KMT2D: variants seen among roughly 807,000 people sequenced by gnomAD.
KMT2D encodes the protein lysine methyltransferase 2D.
A neutral mutation model predicts 512.7 loss-of-function variants in KMT2D; 55 were observed. The observed-to-expected ratio is 0.11, with a 90% confidence interval of 0.09 to 0.13. KMT2D has a LOEUF of 0.13. Ranked by LOEUF, KMT2D falls within the 10% of genes least tolerant of loss-of-function variation. KMT2D has a pLI of 1.00. For synonymous variants in KMT2D, 2,995 were observed against 2,904.0 expected, an observed-to-expected ratio of 1.03 and a Z score of -1.01; for missense variants, 6,061 against 7,127.9, an observed-to-expected ratio of 0.85 and a Z score of 5.39.
chr12:49,051,041 G>T lies in KMT2D; in HGVS notation c.2642C>A (p.Pro881His), dbSNP rs181984448. Residue 881 changes from proline (P) to histidine (H), a missense_variant, in exon 11 of 55, where the codon CCC (proline) becomes CAC (histidine). Around this residue, in one of 16 missense-constraint regions of KMT2D, gnomAD observed 848 missense variants for 838.5 expected, o/e 1.01. Transcript: ENST00000301067. ...PGQCPAPEELPLFPPPGEPSL... is the reference protein window; with the variant it reads ...PGQCPAPEELHLFPPPGEPSL... ...TGGTTCCCCAGGGGGAGGGAACAAG[G>T]GCAGCTCCTCAGGTGCAGGGCATTG... 1 of 1,548,462 alleles carries T rather than the reference G, an allele frequency of 6.5e-7. No homozygotes were observed. Among genetic ancestry groups the T allele is most frequent in the Non-Finnish European group, 8.7e-7 (1 of 1,150,442 alleles).
rs371296793 is a variant in KMT2D at position 49,050,496 on chromosome 12, G to C, written c.3092C>G (p.Ser1031Cys). 3.7e-6 allele frequency: 6 copies of C among 1,613,118 alleles called. No individual in the cohort carries two copies. In the African/African-American group the frequency reaches 8.0e-5, roughly 21 times the overall value. Residue 1031 changes from serine (S) to cysteine (C), a missense_variant, in exon 12 of 55, where the codon TCC becomes TGC. Ser to Cys is a moderately radical substitution (Grantham distance 112, BLOSUM62 -1). This residue lies in a region of KMT2D where 447 missense variants were observed against 500.1 expected (regional missense o/e 0.89). Transcript: ENST00000301067. ...AGGAGGGGAGTTTTGGGGAACCAGG[G>C]AATGCTGAAGGAGTGGCGAACACTG... ...PPQCSPLLQH[S>C]LVPQNSPPSQ...
At position 49,046,519 on chromosome 12, in the gene KMT2D, CTAAACCCAGCCTCTGTCACA is replaced by C; in HGVS notation, c.4418+70_4418+89del. ...AAACCCAAGCCACCAGCCTGGCCTC[CTAAACCCAGCCTCTGTCACA>C]TACTCAACATCATATCCACTTTAAC... On this transcript the variant is annotated intron_variant, in intron 16 of 54. Coordinates refer to ENST00000301067, the MANE Select transcript of KMT2D (RefSeq NM_003482.4). This position sits in a 1 kb window ranked among gnomAD's most constrained non-coding sequence, Gnocchi z 4.2. 6.3e-7 allele frequency: 1 copy of C among 1,578,580 alleles called. No homozygotes were observed.
chr12:49,044,199 C>A lies in KMT2D; in HGVS notation c.5188+1G>T, dbSNP rs2120579552. The A allele has an allele frequency of 6.2e-7, 1 of 1,611,150 alleles. No individual in the cohort carries two copies. The highest frequency in any genetic ancestry group is 8.5e-7 in the Non-Finnish European group (1 of 1,179,524). ...CCCACTGGTGCCCTCACCCGTCTCACCCTCGTCGGGCTGCCCATCCCCACT... is the reference window on the plus strand; with the variant it reads ...CCCACTGGTGCCCTCACCCGTCTCAACCTCGTCGGGCTGCCCATCCCCACT... On this transcript the variant is annotated splice_donor_variant, in intron 22 of 54. Coordinates refer to ENST00000301067, the MANE Select transcript of KMT2D (RefSeq NM_003482.4). LOFTEE classifies it high-confidence loss of function. This position sits in a 1 kb window ranked among gnomAD's most constrained non-coding sequence, Gnocchi z 6.4.
rs763880999 is a variant in KMT2D, at chr12:49,039,431, C to T, written c.8229+4G>A. The T allele has an allele frequency of 1.6e-5, 25 of 1,599,540 alleles. No individual in the cohort carries two copies. Among genetic ancestry groups the T allele is most frequent in the Admixed American group, 8.5e-5 (5 of 58,650 alleles). On this transcript the variant is annotated splice_donor_region_variant and intron_variant, in intron 33 of 54. Coordinates refer to ENST00000301067, the MANE Select transcript of KMT2D (RefSeq NM_003482.4). The surrounding 1 kb of genome is among the most constrained non-coding windows in gnomAD (Gnocchi z 5.0). ...GCCCCACTATCCCTTGCCACTCTACCTACCTGTGTCCCAGCAAAGGGGGTC... is the reference window on the plus strand; with the variant it reads ...GCCCCACTATCCCTTGCCACTCTACTTACCTGTGTCCCAGCAAAGGGGGTC...
rs2120500259 is a variant in KMT2D at position 49,038,569 on chromosome 12, A to T, written c.8787T>A (p.Leu2929=). Reference sequence around the variant, plus strand: ...GTGGGGCTGAGGGTTTCTGTGGGGGAAGACCTGATACCGCCAGGCCCCGAA... The same window carrying T: ...GTGGGGCTGAGGGTTTCTGTGGGGGTAGACCTGATACCGCCAGGCCCCGAA... The part of the protein sequence containing the change: ...EGLRGLAVSG[L]PPQKPSAPPA... The change falls in exon 35 of 55, where the codon CTT becomes CTA. Residue 2929 remains leucine (L), a synonymous_variant. Transcript: ENST00000301067. The surrounding 1 kb of genome is among the most constrained non-coding windows in gnomAD (Gnocchi z 5.7). 6.2e-7 allele frequency: 1 copy of T among 1,612,248 alleles called. No homozygotes were observed. Among genetic ancestry groups the T allele is most frequent in the Non-Finnish European group, 8.5e-7 (1 of 1,179,006 alleles).
At chr12:49,025,614 T>C (rs1942538766) in intron 49 of KMT2D, among the ~76,000 whole-genome samples, 1 of 152,240 alleles carries the variant, frequency 6.6e-6, no homozygotes, top group African/African-American at 2.4e-5. Context: ...ATCCCTGTCA[T>C]TTAGCAATGC....
chr12:49,047,585 T>C (rs1937635842), intron 15 of KMT2D, among the ~76,000 whole-genome samples: 1 of 79,908 alleles, frequency 1.3e-5, no homozygotes, highest in Non-Finnish European at 2.3e-5. Flanking sequence ...ACTCAGCTAA[T>C]TTTTGTTATT....
intron 35 of KMT2D, among the ~76,000 whole-genome samples, 156 bp downstream of exon 35, chr12:49,036,969 A>G (rs1943251941): frequency 6.6e-6 from 1 of 152,242 alleles, no homozygotes; most frequent in African/African-American, 2.4e-5. Flanking sequence ...CTTAAAAGCT[A>G]CAGTGTTTCT....
rs1364217370 is a variant in KMT2D, at chr12:49,040,863, T to A, written c.6907A>T (p.Asn2303Tyr). ...GASSPSYGPP[N>Y]LGFVDSPSSG... is the part of the protein sequence containing the mutation. ...GAGGGTGAGTCAACAAAGCCCAGGT[T>A]TGGGGGCCCATAGCTAGGAGAGGAT... Residue 2303 changes from asparagine to tyrosine, a missense_variant, in exon 32 of 55, where the codon AAC becomes TAC. Asn to Tyr is a moderately radical substitution (Grantham distance 143, BLOSUM62 -2). This residue lies in a region of KMT2D where 710 missense variants were observed against 647.3 expected (regional missense o/e 1.10). Transcript: ENST00000301067. The A allele has an allele frequency of 6.2e-7, 1 of 1,613,758 alleles. No individual in the cohort carries two copies. The highest frequency in any genetic ancestry group is 1.1e-5 in the South Asian group (1 of 91,080).
In KMT2D at chr12:49,040,433, G is replaced by T. The variant is rs752115724; in HGVS notation, c.7337C>A (p.Ser2446Tyr). The part of the protein sequence containing the change: ...CPSPVTPRFQ[S>Y]PDPYSRPPSR... ...GGGTGGGCGAGAATAAGGGTCAGGG[G>T]ACTGGAAGCGAGGGGTAACGGGTGA... The change falls in exon 32 of 55, where the codon TCC becomes TAC. Residue 2446 changes from serine (S) to tyrosine (Y), a missense_variant. Physicochemically the swap from Ser to Tyr is moderately radical, Grantham distance 144. Around this residue, in one of 16 missense-constraint regions of KMT2D, gnomAD observed 710 missense variants for 647.3 expected, o/e 1.10. Transcript: ENST00000301067. 3.2e-6 allele frequency: 5 copies of T among 1,560,574 alleles called. No homozygotes were observed. The highest frequency in any genetic ancestry group is 4.3e-6 in the Non-Finnish European group (5 of 1,152,570).
chr12:49,037,134 G>C lies in KMT2D; in HGVS notation c.10222C>G (p.Pro3408Ala), dbSNP rs2120474457. The change falls in exon 35 of 55, where the codon CCA becomes GCA. Residue 3408 changes from proline (P) to alanine (A), a missense_variant. By Grantham distance (27) the Pro-to-Ala change is conservative. Transcript: ENST00000301067. Reference sequence around the variant, plus strand: ...TACCAGCTGAGGTTACCTGTATCTGGGAAGAAGCTGTTTGCCAGCTGCTGC... The same window carrying C: ...TACCAGCTGAGGTTACCTGTATCTGCGAAGAAGCTGTTTGCCAGCTGCTGC... ...MQQQLANSFF[P>A]DTDLDKFAAE... is the part of the protein sequence containing the mutation. 6.4e-7 allele frequency: 1 copy of C among 1,572,816 alleles called. No homozygotes were observed. The highest frequency in any genetic ancestry group is 8.7e-7 in the Non-Finnish European group (1 of 1,154,056).
rs979601685 is a variant in KMT2D at position 49,018,991 on chromosome 12, C to CT, written c.*2788dup. On this transcript the variant is annotated 3_prime_UTR_variant, in exon 55 of 55. Coordinates refer to ENST00000301067, the MANE Select transcript of KMT2D (RefSeq NM_003482.4). ...CGGAGCCGCTTGTATTTAAAATGTT[C>CT]TTTTTTTATTTGTCGTTTAAAAACA... 8.5e-6 allele frequency: 12 copies of CT among 1,404,004 alleles called. No homozygotes were observed. The highest frequency in any genetic ancestry group is 9.2e-6 in the Non-Finnish European group (10 of 1,083,172). The allele number at this position is 1,404,004 out of a possible 1,614,324, so 87.0% of individuals were successfully genotyped here. A position where few individuals can be genotyped will look rare whatever the true frequency, so the allele number is the denominator to read the frequency against.
intron 46 of KMT2D, 104 bp from the exon 47 acceptor site, chr12:49,028,245 C>A (rs1942711540): frequency 7.2e-7 from 1 of 1,380,728 alleles, no homozygotes; most frequent in Non-Finnish European, 1.0e-6. Context: ...ACCCACTCCC[C>A]AGGGTAGTTC....
Position 49,033,875 on chromosome 12 carries a change from C to CTGT in KMT2D, c.10827_10829dup (p.Gln3612dup), listed in dbSNP as rs775815605. 1.3e-6 allele frequency: 2 copies of CTGT among 1,553,360 alleles called. No homozygotes were observed. The highest frequency in any genetic ancestry group is 2.4e-5 in the East Asian group (1 of 41,874). On this transcript the variant is annotated inframe_insertion, in exon 40 of 55. Transcript: ENST00000301067. ...GAGCCAGCACAGCTGAGTGCTGTTGCTGTTGTTGCTGCTGCTGCTGCTGTT... is the reference window on the plus strand; with the variant it reads ...GAGCCAGCACAGCTGAGTGCTGTTGCTGTTGTTGTTGCTGCTGCTGCTGCTGTT...
chr12:49,031,424 T>C lies in KMT2D; in HGVS notation c.13281A>G (p.Gly4427=). The C allele has an allele frequency of 6.2e-7, 1 of 1,613,714 alleles. No individual in the cohort carries two copies. The highest frequency in any genetic ancestry group is 8.5e-7 in the Non-Finnish European group (1 of 1,179,852). The part of the protein sequence containing the change: ...QEPREEPCAL[G]AQSVKREANG... Reference sequence around the variant, plus strand: ...TGGCCTCCCTCTTCACTGACTGGGCTCCCAGGGCACATGGCTCTTCCCGAG... The same window carrying C: ...TGGCCTCCCTCTTCACTGACTGGGCCCCCAGGGCACATGGCTCTTCCCGAG... The change falls in exon 40 of 55, where the codon GGA becomes GGG. Residue 4427 remains glycine (G), a synonymous_variant. Coordinates refer to ENST00000301067, the MANE Select transcript of KMT2D (RefSeq NM_003482.4).
rs1451648935 is a variant in KMT2D, at chr12:49,051,217, T to TGGCTCCTCAGGCACAGGAGACAGGTGC, written c.2439_2465dup (p.His814_Pro822dup). 3.3e-6 allele frequency: 5 copies of TGGCTCCTCAGGCACAGGAGACAGGTGC among 1,500,804 alleles called. No individual in the cohort carries two copies. The highest frequency in any genetic ancestry group is 2.9e-5 in the African/African-American group (2 of 68,426). The allele number at this position is 1,500,804 out of a possible 1,614,324, so 93.0% of individuals were successfully genotyped here. Reference sequence around the variant, plus strand: ...ATTCCTCAGGTTGGGGGGACAAGCATGGCTCCTCAGGCACAGGAGACAGGT... The same window carrying TGGCTCCTCAGGCACAGGAGACAGGTGC: ...ATTCCTCAGGTTGGGGGGACAAGCATGGCTCCTCAGGCACAGGAGACAGGTGCGGCTCCTCAGGCACAGGAGACAGGT... On this transcript the variant is annotated inframe_insertion, in exon 11 of 55. Transcript: ENST00000301067.
intron 6 of KMT2D, 106 bp from the exon 7 acceptor site, chr12:49,053,747 CAA>C: frequency 3.0e-6 from 4 of 1,332,382 alleles, no homozygotes; most frequent in Middle Eastern, 2.1e-4. Context: ...GAACAAACAA[CAA>C]AGTTACTGAG....
rs753822196 is a variant in KMT2D at position 49,026,454 on chromosome 12, C to T, written c.15512G>A (p.Arg5171Gln). Residue 5171 changes from arginine to glutamine, a missense_variant, in exon 49 of 55, where the codon CGG becomes CAG. Transcript: ENST00000301067. This position sits in a 1 kb window ranked among gnomAD's most constrained non-coding sequence, Gnocchi z 9.6. ...EVKQIASIIQRGERLHMFRVG... is the reference protein window; with the variant it reads ...EVKQIASIIQQGERLHMFRVG... Reference sequence around the variant, plus strand: ...ACGGAACATGTGCAGCCGTTCTCCCCGCTGAATGATGCTAGCGATTTGCTT... The same window carrying T: ...ACGGAACATGTGCAGCCGTTCTCCCTGCTGAATGATGCTAGCGATTTGCTT... 8 of 1,613,928 alleles carry T rather than the reference C, an allele frequency of 5.0e-6. No individual in the cohort carries two copies. The highest frequency in any genetic ancestry group is 6.8e-6 in the Non-Finnish European group (8 of 1,179,892).
At chr12:49,023,976 T>C (rs1416557274) in intron 51 of KMT2D, 6 of 442,038 alleles carry the variant, frequency 1.4e-5, no homozygotes, top group African/African-American at 1.2e-4. Context: ...TGTGTGACCT[T>C]TGCCTAGTCA....
Sources: gnomAD v4.1 joint callset for allele counts (sites outside exome capture counted in the v4.1 genomes callset) on GRCh38, gnomAD v4.1.1 for gene constraint, gnomAD v4.1.1 regional missense constraint, Gnocchi (gnomAD v3.1) non-coding constraint, MANE v1.5 for transcripts, NCBI Gene and HGNC (gene_info 2026-07-23, HGNC 2026-07-21) for gene names.